The following ST7 variants were observed in gnomAD, a reference collection of about 807,000 sequenced individuals.
ST7 encodes the protein suppression of tumorigenicity 7, also known as suppressor of tumorigenicity 7 protein.
In ST7, 28 loss-of-function variants were observed where a neutral mutation model predicts 78.7. The observed-to-expected ratio is 0.36, with a 90% CI of 0.26 to 0.49. The LOEUF is 0.49. Ranked by LOEUF, ST7 falls within the 20% of genes least tolerant of loss-of-function variation. ST7 has a pLI of 0.99. For missense variants in ST7, 418 were observed against 696.0 expected (o/e 0.60, Z 4.49); for synonymous variants, 247 against 249.6 (o/e 0.99, Z 0.10).
intron 1 of ST7, among the ~76,000 whole-genome samples, chr7:117,036,009 T>G (rs1489471396): frequency 2.0e-5 from 3 of 152,214 alleles, no homozygotes; most frequent in Non-Finnish European, 4.4e-5. Context: ...TTCTGGAGGT[T>G]TCTTAGGATA....
rs1245895157 is a variant in ST7 at position 117,031,804 on chromosome 7, G to GTA, written c.152-67950_152-67949dup. 1.9e-5 allele frequency among the ~76,000 whole-genome samples: 2 copies of GTA among 106,122 alleles called. 1 individual carries two copies. The highest frequency in any genetic ancestry group is 7.2e-5 in the African/African-American group (2 of 27,858). 69.6% of individuals were successfully genotyped at this position (106,122 alleles called of 152,430 possible). A position where few individuals can be genotyped will look rare whatever the true frequency, so the allele number is the denominator to read the frequency against. On this transcript the variant is annotated intron_variant, in intron 1 of 15. Transcript: ENST00000323984. Reference sequence around the variant, plus strand: ...TGTGTATATATATGCATATATGTGTGTATATATATGCATATATCTATATCT... The same window carrying GTA: ...TGTGTATATATATGCATATATGTGTGTATATATATATGCATATATCTATATCT...
At chr7:117,111,986 G>A (rs1226047640) in intron 2 of ST7, among the ~76,000 whole-genome samples, 5 of 152,142 alleles carry the variant, frequency 3.3e-5, no homozygotes, top group Non-Finnish European at 7.3e-5. Context: ...TAAAATGTGT[G>A]TGTATGTATT....
chr7:117,142,726 C>T (rs1384585982), intron 9 of ST7, among the ~76,000 whole-genome samples: 1 of 152,136 alleles, frequency 6.6e-6, no homozygotes, highest in Non-Finnish European at 1.5e-5. Context: ...ATTCTCCTGC[C>T]TCAGCCTCCC....
At chr7:117,070,273 T>G (rs1448233498) in intron 1 of ST7, among the ~76,000 whole-genome samples, 2 of 152,230 alleles carry the variant, frequency 1.3e-5, no homozygotes, top group Non-Finnish European at 2.9e-5. Context: ...CACTATTAAC[T>G]TGTGATGTTG....
chr7:117,046,669 T>G (rs1369039003), intron 1 of ST7, among the ~76,000 whole-genome samples: 1 of 152,088 alleles, frequency 6.6e-6, no homozygotes, highest in African/African-American at 2.4e-5. Context: ...CAAGTAAATG[T>G]TTATTTTGTG....
intron 1 of ST7, among the ~76,000 whole-genome samples, chr7:117,051,811 T>C (rs922779777): frequency 6.6e-6 from 1 of 152,108 alleles, no homozygotes; most frequent in Non-Finnish European, 1.5e-5. Flanking sequence ...AAATCAAGGA[T>C]GATTCCCAAG....
rs1792258670 is a variant in ST7 at position 116,953,657 on chromosome 7, G to A, written c.117G>A (p.Arg39=). 1 of 1,500,486 alleles carries A rather than the reference G, an allele frequency of 6.7e-7. No individual in the cohort carries two copies. Among genetic ancestry groups the A allele is most frequent in the East Asian group, 2.8e-5 (1 of 35,680 alleles). 92.9% of individuals were successfully genotyped at this position (1,500,486 alleles called of 1,614,324 possible). A position where few individuals can be genotyped will look rare whatever the true frequency, so the allele number is the denominator to read the frequency against. ...TGCTATTCCTGGTCTACATCCTGCG[G>A]GTGCCTTTGAAAATCAACGACAACT... The part of the protein sequence containing the change: ...FIVLFLVYIL[R]VPLKINDNLS... The change falls in exon 1 of 16, where the codon CGG becomes CGA. Residue 39 remains arginine, a synonymous_variant. Transcript: ENST00000323984.
chr7:116,957,549 A>T (rs1792574440), intron 1 of ST7, among the ~76,000 whole-genome samples: 1 of 152,216 alleles, frequency 6.6e-6, no homozygotes, highest in Admixed American at 6.5e-5. Context: ...CAATAGTGTT[A>T]AAATAGTTTT....
rs557739826 is a variant in ST7, at chr7:116,982,264, G to T, written c.151+28573G>T. ...TTTGAGATAGACTTTTGCTCTTGTT[G>T]CCTAGGCTGGAGTTCTATGGTGCAA... is the stretch of plus-strand genomic sequence containing the variant. On this transcript the variant is annotated intron_variant, in intron 1 of 15. Transcript: ENST00000323984. Among the ~76,000 whole-genome samples, 4 of 152,142 alleles carry T rather than the reference G, an allele frequency of 2.6e-5. No homozygotes were observed. The South Asian group carries it at 8.3e-4, about 32-fold the overall frequency.
chr7:117,152,195 A>T (rs1478984137), intron 9 of ST7, among the ~76,000 whole-genome samples: 11 of 67,048 alleles, frequency 1.6e-4, no homozygotes, highest in African/African-American at 7.9e-4. Context: ...ATATATATAT[A>T]TATATATATA....
intron 15 of ST7, chr7:117,223,119 G>A (rs939948091): frequency 3.4e-5 from 22 of 645,838 alleles, no homozygotes; most frequent in Admixed American, 1.2e-4. Context: ...ACATCCCATC[G>A]TCTCGGCCTT....
chr7:117,071,045 C>A (rs1396815630), intron 1 of ST7, among the ~76,000 whole-genome samples: 1 of 151,882 alleles, frequency 6.6e-6, no homozygotes. Flanking sequence ...CGGTGAAACG[C>A]CCTCTCTACT....
chr7:117,161,252 A>G (rs1389522448), intron 9 of ST7, among the ~76,000 whole-genome samples: 1 of 152,214 alleles, frequency 6.6e-6, no homozygotes, highest in African/African-American at 2.4e-5. Flanking sequence ...TTGAAGAATT[A>G]CATATGAAAA....
intron 12 of ST7, among the ~76,000 whole-genome samples, chr7:117,192,854 A>G (rs916543026): frequency 1.3e-4 from 20 of 152,204 alleles, no homozygotes; most frequent in African/African-American, 4.8e-4. Flanking sequence ...CTAGGATTCC[A>G]CCTGCAAAAT....
intron 9 of ST7, among the ~76,000 whole-genome samples, chr7:117,141,869 T>C (rs1257446288): frequency 6.6e-6 from 1 of 151,914 alleles, no homozygotes; most frequent in African/African-American, 2.4e-5. Context: ...TGGGTTTTGC[T>C]ATGTTGCCCA....
Position 117,229,894 on chromosome 7 carries a change from G to A in ST7, c.*37G>A, listed in dbSNP as rs200772223. 1,398 of 1,546,268 alleles carry A rather than the reference G, an allele frequency of 9.0e-4. 12 individuals are homozygous for A. The highest frequency in any genetic ancestry group is 7.7e-3 in the Middle Eastern group (46 of 5,952). ...TCCTCCACTCACCTCACCCGCCGCTGCCACCATCTCCTCTGTGCCAACTCC... is the reference window on the plus strand; with the variant it reads ...TCCTCCACTCACCTCACCCGCCGCTACCACCATCTCCTCTGTGCCAACTCC... On this transcript the variant is annotated 3_prime_UTR_variant, in exon 16 of 16. Coordinates refer to ENST00000323984, the MANE Select transcript of ST7 (RefSeq NM_001369598.1).
intron 9 of ST7, among the ~76,000 whole-genome samples, chr7:117,157,818 G>A (rs765653322): frequency 2.7e-4 from 41 of 152,200 alleles, no homozygotes; most frequent in Admixed American, 2.6e-3. Flanking sequence ...CTGTGGGCCT[G>A]CTTCCAAGCC....
At chr7:117,162,529 C>T (rs548660357) in intron 9 of ST7, among the ~76,000 whole-genome samples, 103 of 148,270 alleles carry the variant, frequency 6.9e-4, no homozygotes, top group African/African-American at 2.5e-3. Flanking sequence ...ATATTCACTA[C>T]GGATGAGGAA....
rs566040207 is a variant in ST7 at position 117,092,468 on chromosome 7, G to A, written c.152-7294G>A. The stretch of plus-strand genomic sequence containing the variant: ...TCTGGAAATCTGTTTGAAATTAGCA[G>A]GAGTGTAAACTAAGCCATTAGAGCT... On this transcript the variant is annotated intron_variant, in intron 1 of 15. Transcript: ENST00000323984. Among the ~76,000 whole-genome samples, 18 of 152,204 alleles carry A rather than the reference G, an allele frequency of 1.2e-4. No individual in the cohort carries two copies. In the East Asian group the frequency reaches 2.7e-3, roughly 23 times the overall value.
Sources: gnomAD v4.1 joint callset for allele counts (sites outside exome capture counted in the v4.1 genomes callset) on GRCh38, gnomAD v4.1.1 for gene constraint, MANE v1.5 for transcripts, NCBI Gene and HGNC (gene_info 2026-07-23, HGNC 2026-07-21) for gene names.